The following PDE1A variants were observed in gnomAD, a reference collection of about 807,000 sequenced individuals.
The protein encoded by PDE1A is phosphodiesterase 1A.
A neutral mutation model predicts 61.7 loss-of-function variants in PDE1A; 35 were observed. The observed-to-expected ratio is 0.57, with a 90% CI of 0.43 to 0.75. The LOEUF (loss-of-function observed/expected upper bound fraction) is 0.75, where lower values mean the gene tolerates loss of function less well. Ranked by LOEUF, PDE1A falls within the 30% of genes least tolerant of loss-of-function variation. PDE1A has a pLI of 0.00. For synonymous variants in PDE1A, 232 were observed against 213.2 expected, an observed-to-expected ratio of 1.09 and a Z score of -0.77; for missense variants, 597 against 630.6, an observed-to-expected ratio of 0.95 and a Z score of 0.57.
At chr2:182,690,083 C>G in the PDE1A span, among the ~76,000 whole-genome samples, 1 of 152,102 alleles carries the variant, frequency 6.6e-6, no homozygotes, top group African/African-American at 2.4e-5. Flanking sequence ...GGATTCACAG[C>G]CGAATTCTAC....
chr2:182,242,893 TCTCTCC>T (rs767664678), intron 2 of PDE1A, among the ~76,000 whole-genome samples: 3 of 117,906 alleles, frequency 2.5e-5, no homozygotes, highest in South Asian at 3.1e-4. Context: ...CCTCTCTCTC[TCTCTCC>T]CTCTCTCTCT....
At chr2:182,296,746 TGTGA>T (rs1209265955) in intron 1 of PDE1A, among the ~76,000 whole-genome samples, 6 of 152,348 alleles carry the variant, frequency 3.9e-5, no homozygotes, top group Middle Eastern at 3.4e-3. Context: ...CTGGGTGTGC[TGTGA>T]GTGTTTCCCA....
At chr2:182,151,837 A>C (rs1690797259) in intron 13 of PDE1A, among the ~76,000 whole-genome samples, 2 of 152,174 alleles carry the variant, frequency 1.3e-5, no homozygotes, top group African/African-American at 4.8e-5. Context: ...TTTTTGACTT[A>C]TCTAGCCCAA....
intron 2 of PDE1A, among the ~76,000 whole-genome samples, chr2:182,512,565 C>T (rs1259124105): frequency 6.6e-6 from 1 of 152,106 alleles, no homozygotes; most frequent in Non-Finnish European, 1.5e-5. Context: ...TCCAAATGAC[C>T]ATAACAGCTA....
chr2:182,476,553 A>G (rs1687377947), intron 2 of PDE1A, among the ~76,000 whole-genome samples: 1 of 151,980 alleles, frequency 6.6e-6, no homozygotes, highest in South Asian at 2.1e-4. Context: ...CATAATGCAC[A>G]CATTATTTTG....
intron 1 of PDE1A, among the ~76,000 whole-genome samples, chr2:182,373,121 T>C (rs1244317999): frequency 3.3e-5 from 5 of 152,292 alleles, no homozygotes; most frequent in Non-Finnish European, 5.9e-5. Context: ...GAATGAAAAA[T>C]ACATCACAGG....
chr2:182,287,514 C>T (rs1359915039), intron 1 of PDE1A, among the ~76,000 whole-genome samples: 1 of 152,106 alleles, frequency 6.6e-6, no homozygotes, highest in Non-Finnish European at 1.5e-5. Context: ...ACCTAGAATA[C>T]TAGCCCTGTT....
At chr2:182,221,598 T>C (rs997084989) in intron 7 of PDE1A, among the ~76,000 whole-genome samples, 1 of 152,024 alleles carries the variant, frequency 6.6e-6, no homozygotes, top group African/African-American at 2.4e-5. Flanking sequence ...ACCCTGGGGT[T>C]TCCTCCATTC....
chr2:182,488,579 AAC>A (rs1375378738), intron 2 of PDE1A, among the ~76,000 whole-genome samples: 1 of 152,232 alleles, frequency 6.6e-6, no homozygotes, highest in East Asian at 1.9e-4. Context: ...CTATTACTAA[AAC>A]AATGATAAAT....
At chr2:182,626,888 TATATATATAC>T in the PDE1A span, among the ~76,000 whole-genome samples, 1 of 81,196 alleles carries the variant, frequency 1.2e-5, no homozygotes, top group Non-Finnish European at 2.3e-5. Context: ...TATATACACA[TATATATATAC>T]ATATATATAT....
At chr2:182,620,545 A>G in the PDE1A span, among the ~76,000 whole-genome samples, 1 of 152,234 alleles carries the variant, frequency 6.6e-6, no homozygotes, top group African/African-American at 2.4e-5. Context: ...AGGATTTGAA[A>G]AAGAGAAAAT....
chr2:182,227,895 G>T (rs1574078451), intron 6 of PDE1A, among the ~76,000 whole-genome samples: 1 of 152,214 alleles, frequency 6.6e-6, no homozygotes, highest in South Asian at 2.1e-4. Context: ...TCATTCCAAA[G>T]TGTGGAAGAC....
intron 2 of PDE1A, among the ~76,000 whole-genome samples, chr2:182,520,250 T>C (rs375146766): frequency 8.5e-4 from 129 of 152,024 alleles, no homozygotes; most frequent in African/African-American, 3.0e-3. Context: ...GATTTAGAGT[T>C]TCTCGCTTTG....
intron 1 of PDE1A, among the ~76,000 whole-genome samples, chr2:182,387,145 T>C (rs1701157204): frequency 6.6e-6 from 1 of 152,148 alleles, no homozygotes; most frequent in Non-Finnish European, 1.5e-5. Context: ...CTGAAACATG[T>C]GCTGTGTCCA....
chr2:182,344,235 A>G (rs571490518), intron 1 of PDE1A, among the ~76,000 whole-genome samples: 1 of 152,222 alleles, frequency 6.6e-6, no homozygotes, highest in East Asian at 1.9e-4. Context: ...ATATTTTTGC[A>G]TCATACTATA....
the PDE1A span, among the ~76,000 whole-genome samples, chr2:182,671,801 A>G: frequency 1.2e-5 from 1 of 84,192 alleles, no homozygotes; most frequent in Non-Finnish European, 2.9e-5. Context: ...TTGTATTTTT[A>G]GTAGAGACAG....
chr2:182,358,822 AT>A (rs1222805124), intron 1 of PDE1A, among the ~76,000 whole-genome samples: 2 of 152,098 alleles, frequency 1.3e-5, no homozygotes, highest in Non-Finnish European at 2.9e-5. Context: ...AAGTTAAGTA[AT>A]TTCCTGAAAG....
the PDE1A span, among the ~76,000 whole-genome samples, chr2:182,628,249 T>C: frequency 6.6e-6 from 1 of 152,212 alleles, no homozygotes; most frequent in African/African-American, 2.4e-5. Context: ...AAGGGAGGTA[T>C]CCCACTGGGA....
intron 1 of PDE1A, among the ~76,000 whole-genome samples, chr2:182,345,498 T>G (rs1698465640): frequency 6.6e-6 from 1 of 152,160 alleles, no homozygotes; most frequent in South Asian, 2.1e-4. Flanking sequence ...CCTATCTCAC[T>G]CAAGGTAAAA....
Sources: allele counts gnomAD v4.1 joint callset (sites outside exome capture counted in the v4.1 genomes callset), GRCh38; gene constraint gnomAD v4.1.1; transcripts MANE v1.5; gene names NCBI Gene and HGNC (gene_info 2026-07-23, HGNC 2026-07-21).